The following FRMPD1 variants were observed in gnomAD, a reference collection of about 807,000 sequenced individuals.
FRMPD1 encodes FERM and PDZ domain-containing protein 1.
A neutral mutation model predicts 117.8 loss-of-function variants in FRMPD1; 76 were observed. The ratio of observed to expected loss-of-function variants is 0.65; its 90% confidence interval spans 0.54 to 0.78. FRMPD1 has a LOEUF of 0.78. Ranked by LOEUF, FRMPD1 falls within the 30% of genes least tolerant of loss-of-function variation. The pLI is 0.00. For synonymous variants in FRMPD1, 783 were observed against 770.4 expected (o/e 1.02, Z -0.27); for missense variants, 1,786 against 1,964.5 (o/e 0.91, Z 1.72).
chr9:37,648,493 A>T (rs4490927), upstream of FRMPD1, among the ~76,000 whole-genome samples: 17,398 of 152,188 alleles, frequency 0.11, 1,080 homozygotes, highest in East Asian at 0.18. Flanking sequence ...TGGTTGAAAA[A>T]GATCACTGGC....
At position 37,707,569 on chromosome 9, in the gene FRMPD1, A is replaced by G. The variant is rs1412960596; in HGVS notation, c.255A>G (p.Thr85=). The G allele has an allele frequency of 6.2e-7, 1 of 1,613,142 alleles. No homozygotes were observed. Among genetic ancestry groups the G allele is most frequent in the Non-Finnish European group, 8.5e-7 (1 of 1,179,324 alleles). ...ESLPLTVVAV[T]AGGSAHGKLF... ...TTCCCCTTACAGTGGTGGCTGTCAC[A>G]GCAGGTAGGGGATGACTGGGAAATG... is the stretch of plus-strand genomic sequence containing the variant. Residue 85 remains threonine (T), a synonymous_variant, in exon 3 of 16, where the codon ACA becomes ACG. Transcript: ENST00000377765.
intron 1 of FRMPD1, among the ~76,000 whole-genome samples, chr9:37,666,933 C>A (rs1242554055): frequency 6.6e-6 from 1 of 152,136 alleles, no homozygotes; most frequent in African/African-American, 2.4e-5. Flanking sequence ...TTGCTGCCTC[C>A]CAGTCGGTTC....
intron 1 of FRMPD1, among the ~76,000 whole-genome samples, chr9:37,670,783 CTT>C (rs1821324534): frequency 1.3e-5 from 2 of 152,192 alleles, no homozygotes; most frequent in South Asian, 4.1e-4. Flanking sequence ...GAGAGGGAGA[CTT>C]TCGTTGTTTT....
rs1305053368 is a variant in FRMPD1 at position 37,745,008 on chromosome 9, A to G, written c.2976A>G (p.Leu992=). 11 of 1,614,136 alleles carry G rather than the reference A, an allele frequency of 6.8e-6. No homozygotes were observed. Among genetic ancestry groups the G allele is most frequent in the Non-Finnish European group, 9.3e-6 (11 of 1,180,016 alleles). The part of the protein sequence containing the change: ...AQARPSQILP[L]SQDLDGIAPK... ...CAAGGCCTTCCCAAATCTTACCTCT[A>G]TCTCAAGACCTGGATGGGATTGCCC... Residue 992 remains leucine (L), a synonymous_variant, in exon 16 of 16, where the codon CTA becomes CTG. Coordinates refer to ENST00000377765, the MANE Select transcript of FRMPD1 (RefSeq NM_014907.3).
At chr9:37,637,100 G>A in the FRMPD1 span, 76 of 1,582,938 alleles carry the variant, frequency 4.8e-5, no homozygotes, top group Admixed American at 6.7e-5. Context: ...TTCCTGGCCC[G>A]CCGTGTCCCA....
chr9:37,725,733 A>C (rs1386385587), intron 7 of FRMPD1, among the ~76,000 whole-genome samples: 1 of 152,214 alleles, frequency 6.6e-6, no homozygotes, highest in Non-Finnish European at 1.5e-5. Flanking sequence ...TGCCCTAGCA[A>C]CCTTGTGAAG....
At chr9:37,606,528 A>G in the FRMPD1 span, among the ~76,000 whole-genome samples, 2 of 152,228 alleles carry the variant, frequency 1.3e-5, no homozygotes, top group African/African-American at 4.8e-5. Flanking sequence ...TTTTAAAGCC[A>G]AAGAGAGGTT....
chr9:37,735,802 T>C (rs1824093959), intron 13 of FRMPD1, 68 bp downstream of exon 13: 1 of 1,009,836 alleles, frequency 9.9e-7, no homozygotes, highest in African/African-American at 1.6e-5. Flanking sequence ...GCCAGGCTAG[T>C]TTATATGAAT....
intron 1 of FRMPD1, among the ~76,000 whole-genome samples, chr9:37,666,429 C>A (rs1349686245): frequency 6.6e-6 from 1 of 152,158 alleles, no homozygotes; most frequent in Non-Finnish European, 1.5e-5. Flanking sequence ...TTTCACATAC[C>A]TTTTATGCCT....
the FRMPD1 span, among the ~76,000 whole-genome samples, chr9:37,634,251 T>C: frequency 6.6e-6 from 1 of 152,258 alleles, no homozygotes; most frequent in African/African-American, 2.4e-5. Context: ...GTTCAGTTGA[T>C]AGCCAGTGTT....
intron 1 of FRMPD1, among the ~76,000 whole-genome samples, chr9:37,686,899 C>T (rs975675849): frequency 9.9e-5 from 15 of 152,134 alleles, no homozygotes; most frequent in African/African-American, 2.7e-4. Context: ...GTGCTTACTT[C>T]AGGATTTCCA....
At position 37,746,412 on chromosome 9, in the gene FRMPD1, C is replaced by T. The variant is rs1173602128; in HGVS notation, c.4380C>T (p.Ser1460=). ...KCTWHFTESR[S]RLCMGSQKLL... Reference sequence around the variant, plus strand: ...CCTGGCACTTTACCGAAAGCCGGAGCCGCCTCTGCATGGGCTCCCAGAAGC... The same window carrying T: ...CCTGGCACTTTACCGAAAGCCGGAGTCGCCTCTGCATGGGCTCCCAGAAGC... The change falls in exon 16 of 16, where the codon AGC becomes AGT. Residue 1460 remains serine (S), a synonymous_variant. Transcript: ENST00000377765. 6.2e-7 allele frequency: 1 copy of T among 1,613,350 alleles called. No homozygotes were observed. The highest frequency in any genetic ancestry group is 2.2e-5 in the East Asian group (1 of 44,868).
chr9:37,736,890 C>T (rs1824159018), intron 13 of FRMPD1, among the ~76,000 whole-genome samples: 2 of 151,464 alleles, frequency 1.3e-5, no homozygotes, highest in Non-Finnish European at 1.5e-5. Context: ...TGTGTGCGCA[C>T]ACACACACGC....
intron 1 of FRMPD1, among the ~76,000 whole-genome samples, chr9:37,684,434 A>G (rs1821849845): frequency 6.6e-6 from 1 of 152,246 alleles, no homozygotes; most frequent in African/African-American, 2.4e-5. Flanking sequence ...TGTTACTGAT[A>G]TTACTATAAT....
the FRMPD1 span, among the ~76,000 whole-genome samples, chr9:37,645,420 A>G: frequency 6.6e-6 from 1 of 152,270 alleles, no homozygotes; most frequent in Non-Finnish European, 1.5e-5. Context: ...GATTAGGAAC[A>G]GGAAAAGAAA....
intron 1 of FRMPD1, among the ~76,000 whole-genome samples, chr9:37,683,253 T>G (rs555100498): frequency 2.0e-5 from 3 of 152,244 alleles, no homozygotes; most frequent in Non-Finnish European, 4.4e-5. Context: ...AGAAATAGAC[T>G]TCTTCTACTT....
the FRMPD1 span, among the ~76,000 whole-genome samples, chr9:37,615,763 C>A: frequency 2.0e-5 from 3 of 152,074 alleles, no homozygotes; most frequent in Admixed American, 6.5e-5. Flanking sequence ...GATAATAACT[C>A]CTTCCATTCC....
intron 1 of FRMPD1, among the ~76,000 whole-genome samples, chr9:37,678,584 TA>T (rs5897697): frequency 0.11 from 17,380 of 152,136 alleles, 1,086 homozygotes; most frequent in Middle Eastern, 0.18. Flanking sequence ...CTAACAGTCT[TA>T]ATTTCCTTTT....
the FRMPD1 span, among the ~76,000 whole-genome samples, chr9:37,629,874 T>C: frequency 6.6e-6 from 1 of 152,198 alleles, no homozygotes; most frequent in Non-Finnish European, 1.5e-5. Flanking sequence ...CGCTGTAGAC[T>C]GAGTGGCTTA....
Sources: allele counts gnomAD v4.1 joint callset (sites outside exome capture counted in the v4.1 genomes callset), GRCh38; gene constraint gnomAD v4.1.1; transcripts MANE v1.5; gene names NCBI Gene and HGNC (gene_info 2026-07-23, HGNC 2026-07-21).